RGS18: variants seen among roughly 807,000 people sequenced by gnomAD.
The protein encoded by RGS18 is regulator of G-protein signaling 18.
RGS18 carries 22 observed loss-of-function variants against 27.6 expected under a neutral mutation model. The observed-to-expected ratio is 0.80, with a 90% CI of 0.57 to 1.14. The LOEUF (loss-of-function observed/expected upper bound fraction) is 1.14. Among genes scored for constraint, RGS18 ranks in the 50% most tolerant of loss-of-function variants. The pLI is 0.00. For missense variants in RGS18, 299 were observed against 269.6 expected (o/e 1.11, Z -0.76); for synonymous variants, 89 against 84.6 (o/e 1.05, Z -0.29).
At chr1:192,172,899 A>G (rs1282002265) in intron 3 of RGS18, among the ~76,000 whole-genome samples, 4 of 147,680 alleles carry the variant, frequency 2.7e-5, no homozygotes, top group Non-Finnish European at 6.0e-5. Flanking sequence ...ATATATATAC[A>G]CATATGTATA....
Position 192,158,665 on chromosome 1 carries a change from C to A in RGS18, c.28C>A (p.Gln10Lys). Reference sequence around the variant, plus strand: ...GGAAACAACATTGCTTTTCTTTTCTCAAATAAATATGTGTGAATCAAAAGA... The same window carrying A: ...GGAAACAACATTGCTTTTCTTTTCTAAAATAAATATGTGTGAATCAAAAGA... The part of the protein sequence containing the change: METTLLFFS[Q>K]INMCESKEKT... The change falls in exon 1 of 5, where the codon CAA becomes AAA. Residue 10 changes from glutamine (Q) to lysine (K), a missense_variant. Gln to Lys is a moderately conservative substitution (Grantham distance 53, BLOSUM62 1). Transcript: ENST00000367460. The A allele has an allele frequency of 6.4e-7, 1 of 1,570,162 alleles. No individual in the cohort carries two copies. The highest frequency in any genetic ancestry group is 1.2e-5 in the South Asian group (1 of 80,302).
chr1:192,181,927 A>C (rs1295577446), intron 4 of RGS18, among the ~76,000 whole-genome samples: 3 of 151,642 alleles, frequency 2.0e-5, no homozygotes, highest in Non-Finnish European at 4.4e-5. Context: ...TAGATTCCAC[A>C]TACAAGTCAG....
At position 192,175,224 on chromosome 1, in the gene RGS18, C is replaced by T. The variant is rs191010267; in HGVS notation, c.284-6068C>T. Among the ~76,000 whole-genome samples, 15 of 151,684 alleles carry T rather than the reference C, an allele frequency of 9.9e-5. No individual in the cohort carries two copies. In the East Asian group the frequency reaches 2.9e-3, roughly 30 times the overall value. On this transcript the variant is annotated intron_variant, in intron 3 of 4. Transcript: ENST00000367460. ...ATATGAGCTTTTTTAAAGTTTTTGT[C>T]TGCTATTTCCAACATTTTAGATAAC...
chr1:192,172,884 A>ATATATAAAAAT (rs758940898), intron 3 of RGS18, among the ~76,000 whole-genome samples: 1 of 97,510 alleles, frequency 1.0e-5, no homozygotes, highest in Non-Finnish European at 2.3e-5. Flanking sequence ...TATATATATA[A>ATATATAAAAAT]ATATATATAT....
chr1:192,170,171 T>C (rs1656230941), intron 3 of RGS18, among the ~76,000 whole-genome samples: 1 of 152,144 alleles, frequency 6.6e-6, no homozygotes, highest in South Asian at 2.1e-4. Flanking sequence ...ACATTTCAAA[T>C]TATATTTCAA....
intron 1 of RGS18, 66 bp downstream of exon 1, chr1:192,158,822 T>A: frequency 1.8e-6 from 2 of 1,102,466 alleles, no homozygotes; most frequent in Non-Finnish European, 2.6e-6. Flanking sequence ...GAAGATTCAT[T>A]ACCTCTTGTT....
chr1:192,170,113 T>C (rs1656229925), intron 3 of RGS18, among the ~76,000 whole-genome samples: 1 of 152,148 alleles, frequency 6.6e-6, no homozygotes, highest in Admixed American at 6.6e-5. Context: ...GTGCATAGAT[T>C]ATTGTTTTTT....
At chr1:192,176,407 C>A (rs1656358918) in intron 3 of RGS18, among the ~76,000 whole-genome samples, 1 of 151,590 alleles carries the variant, frequency 6.6e-6, no homozygotes, top group African/African-American at 2.4e-5. Context: ...TTAAAAATGC[C>A]CCCAGGTAGA....
chr1:192,182,124 G>C (rs778211405), intron 4 of RGS18, among the ~76,000 whole-genome samples: 9 of 151,494 alleles, frequency 5.9e-5, no homozygotes, highest in Non-Finnish European at 4.4e-5. Context: ...CCATCTCTTG[G>C]ATACTGTGAA....
chr1:192,182,049 A>G (rs1176225596), intron 4 of RGS18, among the ~76,000 whole-genome samples: 1 of 151,624 alleles, frequency 6.6e-6, no homozygotes, highest in Non-Finnish European at 1.5e-5. Flanking sequence ...TAATAACTCA[A>G]TAGTGTTCCA....
chr1:192,172,864 C>CATATATATATATATATATATATATAT (rs549568195), intron 3 of RGS18, among the ~76,000 whole-genome samples: 11 of 135,538 alleles, frequency 8.1e-5, no homozygotes, highest in African/African-American at 2.4e-4. Flanking sequence ...GAAAAATATG[C>CATATATATATATATATATATATATAT]ATATATATAT....
chr1:192,184,688 C>A lies in RGS18; in HGVS notation c.*134C>A. The A allele has an allele frequency of 1.2e-6, 1 of 867,042 alleles. No homozygotes were observed. The highest frequency in any genetic ancestry group is 1.7e-6 in the Non-Finnish European group (1 of 574,458). 53.7% of individuals were successfully genotyped at this position (867,042 alleles called of 1,614,324 possible). Reference sequence around the variant, plus strand: ...TGAAATTATTTTAAAAATGTAAAAACAAAACTTTCTGCTAACAAAATACAT... The same window carrying A: ...TGAAATTATTTTAAAAATGTAAAAAAAAAACTTTCTGCTAACAAAATACAT... On this transcript the variant is annotated 3_prime_UTR_variant, in exon 5 of 5. Transcript: ENST00000367460.
At chr1:192,167,400 A>G (rs1656180387) in intron 3 of RGS18, among the ~76,000 whole-genome samples, 1 of 151,900 alleles carries the variant, frequency 6.6e-6, no homozygotes, top group Non-Finnish European at 1.5e-5. Context: ...AACTCAAGCT[A>G]ACCCATAACA....
At chr1:192,173,479 T>C (rs565386647) in intron 3 of RGS18, among the ~76,000 whole-genome samples, 2 of 152,010 alleles carry the variant, frequency 1.3e-5, no homozygotes, top group African/African-American at 4.8e-5. Context: ...AGGTGGAAAG[T>C]GTTCATCTCC....
intron 3 of RGS18, among the ~76,000 whole-genome samples, chr1:192,180,544 A>G (rs376146173): frequency 9.2e-5 from 14 of 151,682 alleles, no homozygotes; most frequent in African/African-American, 3.1e-4. Flanking sequence ...TAGGAGCTAT[A>G]GAAACTAATA....
chr1:192,168,244 TG>T (rs1656194200), intron 3 of RGS18: 1 of 150,828 alleles, frequency 6.6e-6, no homozygotes, highest in Admixed American at 6.7e-5. Flanking sequence ...GGGATAATCT[TG>T]TAGAGCATTG....
At chr1:192,160,843 T>C (rs1268107498) in intron 3 of RGS18, among the ~76,000 whole-genome samples, 3 of 152,128 alleles carry the variant, frequency 2.0e-5, no homozygotes, top group Non-Finnish European at 2.9e-5. Context: ...ACAGTTTTTT[T>C]TGTTTGTTTG....
intron 3 of RGS18, among the ~76,000 whole-genome samples, chr1:192,162,022 A>G (rs1163934999): frequency 6.6e-6 from 1 of 152,204 alleles, no homozygotes; most frequent in East Asian, 1.9e-4. Flanking sequence ...CTGAACTGTA[A>G]TATTTATAGG....
At chr1:192,183,775 T>C (rs1479071154) in intron 4 of RGS18, among the ~76,000 whole-genome samples, 1 of 151,668 alleles carries the variant, frequency 6.6e-6, no homozygotes. Flanking sequence ...ATAATGTTTT[T>C]GATACATGCT....
Sources: gnomAD v4.1 joint callset for allele counts (sites outside exome capture counted in the v4.1 genomes callset) on GRCh38, gnomAD v4.1.1 for gene constraint, MANE v1.5 for transcripts, NCBI Gene and HGNC (gene_info 2026-07-23, HGNC 2026-07-21) for gene names.